Variants in GABRB2 observed in about 807,000 individuals in gnomAD.
GABRB2 encodes gamma-aminobutyric acid type A receptor subunit beta2.
GABRB2 carries 16 observed loss-of-function variants against 54.7 expected under a neutral mutation model. The ratio of observed to expected loss-of-function variants is 0.29; its 90% CI spans 0.20 to 0.44. The LOEUF (loss-of-function observed/expected upper bound fraction) is 0.44. Among genes scored for constraint, GABRB2 ranks in the 20% least tolerant of loss-of-function variants. The probability of loss-of-function intolerance (pLI) is 1.00; values close to 1 mark genes in which losing one functional copy is unlikely to be tolerated. For synonymous variants in GABRB2, 244 were observed against 233.8 expected (o/e 1.04, Z -0.40); for missense variants, 355 against 644.0 (o/e 0.55, Z 4.86).
intron 4 of GABRB2, among the ~76,000 whole-genome samples, chr5:161,422,241 A>G (rs1206357631): frequency 6.6e-6 from 1 of 152,152 alleles, no homozygotes; most frequent in Non-Finnish European, 1.5e-5. Flanking sequence ...GTTGGGCAAA[A>G]AATCTCAGAA....
intron 5 of GABRB2, among the ~76,000 whole-genome samples, chr5:161,381,994 T>C (rs1755484103): frequency 6.6e-6 from 1 of 152,194 alleles, no homozygotes; most frequent in South Asian, 2.1e-4. Context: ...TGGTTGCATG[T>C]TCAGCATCCT....
intron 4 of GABRB2, among the ~76,000 whole-genome samples, chr5:161,457,508 C>T (rs1240154478): frequency 6.7e-6 from 1 of 149,780 alleles, no homozygotes; most frequent in Non-Finnish European, 1.5e-5. Context: ...TGCAGTGGCG[C>T]GATCTCGGCT....
Position 161,459,669 on chromosome 5 carries a change from C to T in GABRB2, c.413G>A (p.Arg138His). ...SFVHGVTVKNRMIRLHPDGTV... is the reference protein window; with the variant it reads ...SFVHGVTVKNHMIRLHPDGTV... ...GCCATCAGGATGCAGGCGAATCATG[C>T]GGTTCTTAACAGTCACTCCGTGCAC... Residue 138 changes from arginine to histidine, a missense_variant, in exon 4 of 10, where the codon CGC (arginine) becomes CAC (histidine). This residue lies in a region of GABRB2 where 15 missense variants were observed against 102.2 expected (regional missense o/e 0.15). Coordinates refer to ENST00000393959, the MANE Select transcript of GABRB2 (RefSeq NM_001371727.1). 1 of 1,614,116 alleles carries T rather than the reference C, an allele frequency of 6.2e-7. No individual in the cohort carries two copies. Among genetic ancestry groups the T allele is most frequent in the Non-Finnish European group, 8.5e-7 (1 of 1,180,004 alleles).
At chr5:161,426,848 TG>T (rs532444162) in intron 4 of GABRB2, among the ~76,000 whole-genome samples, 249 of 152,006 alleles carry the variant, frequency 1.6e-3, no homozygotes, top group African/African-American at 5.9e-3. Flanking sequence ...GATCTCTGGA[TG>T]AAAAAAAAGA....
chr5:161,469,230 A>T (rs2113292438), intron 3 of GABRB2, among the ~76,000 whole-genome samples: 1 of 152,046 alleles, frequency 6.6e-6, no homozygotes, highest in South Asian at 2.1e-4. Context: ...TTAAATTATA[A>T]AACTAGTATC....
chr5:161,313,012 A>T (rs1757919188), intron 9 of GABRB2, among the ~76,000 whole-genome samples: 1 of 152,138 alleles, frequency 6.6e-6, no homozygotes, highest in Non-Finnish European at 1.5e-5. Context: ...AAGGGATAGA[A>T]CCTTTTCTAC....
At chr5:161,466,158 A>G (rs1758270388) in intron 3 of GABRB2, among the ~76,000 whole-genome samples, 1 of 151,920 alleles carries the variant, frequency 6.6e-6, no homozygotes, top group African/African-American at 2.4e-5. Flanking sequence ...AGATTATACC[A>G]TTTGGGTCAG....
chr5:161,514,690 G>A (rs970540448), intron 3 of GABRB2, among the ~76,000 whole-genome samples: 4 of 151,968 alleles, frequency 2.6e-5, no homozygotes, highest in African/African-American at 7.2e-5. Context: ...TATGAAACAC[G>A]TACAGTGGCT....
chr5:161,505,330 C>T (rs1759574455), intron 3 of GABRB2, among the ~76,000 whole-genome samples: 1 of 151,984 alleles, frequency 6.6e-6, no homozygotes, highest in Non-Finnish European at 1.5e-5. Context: ...AGGGTTTCAC[C>T]ATGTTTGCCG....
chr5:161,314,597 A>G (rs1757970075), intron 9 of GABRB2, among the ~76,000 whole-genome samples: 2 of 152,172 alleles, frequency 1.3e-5, no homozygotes, highest in Non-Finnish European at 2.9e-5. Flanking sequence ...ATTGAATATA[A>G]TAATAAAATG....
chr5:161,368,126 C>CACACACACACAG (rs1399567809), intron 5 of GABRB2, among the ~76,000 whole-genome samples: 1 of 151,310 alleles, frequency 6.6e-6, no homozygotes, highest in Non-Finnish European at 1.5e-5. Flanking sequence ...GACACACACA[C>CACACACACACAG]ACACACACAC....
intron 4 of GABRB2, among the ~76,000 whole-genome samples, chr5:161,425,262 A>C (rs1756965581): frequency 6.6e-6 from 1 of 152,130 alleles, no homozygotes; most frequent in Non-Finnish European, 1.5e-5. Flanking sequence ...CTATGGGTAA[A>C]ATGCTATCAA....
At chr5:161,322,916 A>C (rs383854) in intron 9 of GABRB2, among the ~76,000 whole-genome samples, 1 of 151,516 alleles carries the variant, frequency 6.6e-6, no homozygotes, top group South Asian at 2.1e-4. Flanking sequence ...TATTCTTTCA[A>C]TTTTGGTGAG....
chr5:161,335,867 AG>A (rs1453292896), intron 6 of GABRB2, among the ~76,000 whole-genome samples: 5 of 152,282 alleles, frequency 3.3e-5, no homozygotes, highest in Admixed American at 2.0e-4. Context: ...AGGCACAAAA[AG>A]TATGTGACTT....
intron 5 of GABRB2, among the ~76,000 whole-genome samples, chr5:161,375,625 G>T (rs899701971): frequency 5.9e-5 from 9 of 152,098 alleles, no homozygotes; most frequent in African/African-American, 1.9e-4. Flanking sequence ...GAGTCAAACA[G>T]GCTTTGTTTT....
rs188194362 is a variant in GABRB2 at position 161,440,339 on chromosome 5, C to A, written c.458+19285G>T. Among the ~76,000 whole-genome samples the A allele has an allele frequency of 7.8e-4, 119 of 152,120 alleles. 2 individuals carry two copies. The East Asian group carries it at 0.019, about 24-fold the overall frequency. On this transcript the variant is annotated intron_variant, in intron 4 of 9. Transcript: ENST00000393959. ...ACAAGACTCATTGATCTGTTGCCTACAAGAAACGCACTTCAACTATAAAGA... is the reference window on the plus strand; with the variant it reads ...ACAAGACTCATTGATCTGTTGCCTAAAAGAAACGCACTTCAACTATAAAGA...
At chr5:161,360,214 A>G (rs1254012541) in intron 5 of GABRB2, among the ~76,000 whole-genome samples, 6 of 152,208 alleles carry the variant, frequency 3.9e-5, no homozygotes, top group Admixed American at 3.9e-4. Flanking sequence ...ATATTCCATT[A>G]AAAGCAACAA....
rs144502805 is a variant in GABRB2 at position 161,506,644 on chromosome 5, G to A, written c.237+38583C>T. 7.0e-3 allele frequency among the ~76,000 whole-genome samples: 1,064 copies of A among 152,150 alleles called. 9 individuals are homozygous for A. The highest frequency in any genetic ancestry group is 0.02 in the Middle Eastern group (6 of 294). ...AATTGTGAGAAAGACTTGATGACATGAAATTATAAAATAGTTATTATGTAC... is the reference window on the plus strand; with the variant it reads ...AATTGTGAGAAAGACTTGATGACATAAAATTATAAAATAGTTATTATGTAC... On this transcript the variant is annotated intron_variant, in intron 3 of 9. Transcript: ENST00000393959.
chr5:161,490,887 T>C (rs1759076905), intron 3 of GABRB2, among the ~76,000 whole-genome samples: 1 of 151,722 alleles, frequency 6.6e-6, no homozygotes, highest in Non-Finnish European at 1.5e-5. Context: ...TCTGGGTCTG[T>C]CTCCAAATAA....
Sources: allele counts gnomAD v4.1 joint callset (sites outside exome capture counted in the v4.1 genomes callset), GRCh38; gene constraint gnomAD v4.1.1; regional missense constraint gnomAD v4.1.1; transcripts MANE v1.5; gene names NCBI Gene and HGNC (gene_info 2026-07-23, HGNC 2026-07-21).